The following CACNA2D1 variants were observed in gnomAD, a reference collection of about 807,000 sequenced individuals.
CACNA2D1 encodes calcium voltage-gated channel auxiliary subunit alpha2delta 1.
CACNA2D1 carries 53 observed loss-of-function variants against 171.5 expected under a neutral mutation model. The observed-to-expected ratio is 0.31, with a 90% CI of 0.25 to 0.39. The LOEUF (loss-of-function observed/expected upper bound fraction) is 0.39. CACNA2D1 is among the 10% of genes least tolerant of loss of function. The pLI is 1.00. For synonymous variants in CACNA2D1, 442 were observed against 443.1 expected (o/e 1.00, Z 0.03); for missense variants, 903 against 1,299.8 (o/e 0.69, Z 4.69).
intron 1 of CACNA2D1, among the ~76,000 whole-genome samples, chr7:82,374,252 A>G (rs548872282): frequency 6.6e-6 from 1 of 152,336 alleles, no homozygotes; most frequent in South Asian, 2.1e-4. Context: ...AAAGGGAGTC[A>G]TGCTTTCACC....
chr7:82,302,535 C>T (rs1314257825), intron 3 of CACNA2D1, among the ~76,000 whole-genome samples: 1 of 151,940 alleles, frequency 6.6e-6, no homozygotes, highest in African/African-American at 2.4e-5. Flanking sequence ...CTGCCTCAGC[C>T]TCCCCAGTAG....
At chr7:82,179,178 A>G (rs1796860115) in intron 3 of CACNA2D1, among the ~76,000 whole-genome samples, 1 of 152,052 alleles carries the variant, frequency 6.6e-6, no homozygotes, top group African/African-American at 2.4e-5. Flanking sequence ...GATACACCCT[A>G]ATCCATGTAA....
At chr7:82,391,839 C>T (rs1382472682) in intron 1 of CACNA2D1, among the ~76,000 whole-genome samples, 1 of 152,166 alleles carries the variant, frequency 6.6e-6, no homozygotes, top group Non-Finnish European at 1.5e-5. Flanking sequence ...GTTTATTGAA[C>T]CATTACTGTG....
rs140162333 is a variant in CACNA2D1, at chr7:82,095,321, T to C, written c.527-10421A>G. On this transcript the variant is annotated intron_variant, in intron 6 of 38. Transcript: ENST00000356860. ...GAGTATCAACTCCCTCCCCACTCCT[T>C]ATTTTTTTCTATATTCTTCTATTAA... 6.4e-3 allele frequency among the ~76,000 whole-genome samples: 973 copies of C among 152,268 alleles called. 13 individuals are homozygous for C. The highest frequency in any genetic ancestry group is 0.021 in the African/African-American group (875 of 41,538).
intron 3 of CACNA2D1, among the ~76,000 whole-genome samples, chr7:82,264,551 C>G (rs1358474049): frequency 6.6e-6 from 1 of 152,184 alleles, no homozygotes; most frequent in Admixed American, 6.5e-5. Context: ...TCTGACTAAT[C>G]TGCAAGCCAC....
At chr7:82,118,048 T>G (rs914292286) in intron 5 of CACNA2D1, among the ~76,000 whole-genome samples, 1 of 152,122 alleles carries the variant, frequency 6.6e-6, no homozygotes, top group Non-Finnish European at 1.5e-5. Flanking sequence ...AAAAAGAAAG[T>G]ATGCTAGGAA....
chr7:81,965,776 G>T, intron 31 of CACNA2D1, 111 bp from the exon 32 acceptor site: 1 of 733,140 alleles, frequency 1.4e-6, no homozygotes. Context: ...AATTTTAAAT[G>T]CCTATCTTCT....
At chr7:82,021,384 A>C in intron 12 of CACNA2D1, among the ~76,000 whole-genome samples, 1 of 152,140 alleles carries the variant, frequency 6.6e-6, no homozygotes, top group East Asian at 1.9e-4. Context: ...CCTACTTATA[A>C]GATGACATAT....
At chr7:82,418,712 T>C (rs1180723108) in intron 1 of CACNA2D1, among the ~76,000 whole-genome samples, 1 of 152,048 alleles carries the variant, frequency 6.6e-6, no homozygotes, top group Admixed American at 6.6e-5. Flanking sequence ...CATTATCCAT[T>C]TACAGAAAAA....
chr7:82,192,481 TGTGTGTGTGTGTG>T (rs1798420563), intron 3 of CACNA2D1, among the ~76,000 whole-genome samples: 1 of 112,118 alleles, frequency 8.9e-6, no homozygotes, highest in Non-Finnish European at 1.8e-5. Flanking sequence ...TGTGTGTGTG[TGTGTGTGTGTGTG>T]TGTGTGTGTG....
At chr7:82,372,006 A>G (rs1822473487) in intron 1 of CACNA2D1, among the ~76,000 whole-genome samples, 1 of 152,246 alleles carries the variant, frequency 6.6e-6, no homozygotes, top group Non-Finnish European at 1.5e-5. Context: ...GAAATGTTTA[A>G]CATGCAATTT....
chr7:82,366,586 A>G lies in CACNA2D1; in HGVS notation c.96-16937T>C, dbSNP rs535408365. Among the ~76,000 whole-genome samples the G allele has an allele frequency of 6.6e-5, 6 of 90,470 alleles. No homozygotes were observed. In the South Asian group the frequency reaches 2.5e-3, roughly 38 times the overall value. The allele number at this position is 90,470 out of a possible 152,430, so 59.4% of individuals were successfully genotyped here. A position where few individuals can be genotyped will look rare whatever the true frequency, so the allele number is the denominator to read the frequency against. On this transcript the variant is annotated intron_variant, in intron 1 of 38. Coordinates refer to ENST00000356860, the MANE Select transcript of CACNA2D1 (RefSeq NM_000722.4). ...CTTTTATATGGCTGTGAAGTATTTCATGGCAGGTATCACATTTCTCTATCC... is the reference window on the plus strand; with the variant it reads ...CTTTTATATGGCTGTGAAGTATTTCGTGGCAGGTATCACATTTCTCTATCC...
At chr7:82,163,947 G>A (rs1172136170) in intron 4 of CACNA2D1, among the ~76,000 whole-genome samples, 2 of 151,906 alleles carry the variant, frequency 1.3e-5, no homozygotes, top group Non-Finnish European at 1.5e-5. Flanking sequence ...TATGCTGCTG[G>A]AGATCACAGA....
At chr7:82,222,358 C>CATATTACAT (rs1801860785) in intron 3 of CACNA2D1, among the ~76,000 whole-genome samples, 1 of 152,174 alleles carries the variant, frequency 6.6e-6, no homozygotes, top group South Asian at 2.1e-4. Context: ...AGACTATAGC[C>CATATTACAT]ATATTACATA....
chr7:82,274,456 G>C (rs944931989), intron 3 of CACNA2D1, among the ~76,000 whole-genome samples: 1 of 152,046 alleles, frequency 6.6e-6, no homozygotes, highest in African/African-American at 2.4e-5. Context: ...TTCATGAAAC[G>C]TTTTCTTAAT....
chr7:82,408,431 C>T (rs967750082), intron 1 of CACNA2D1, among the ~76,000 whole-genome samples: 4 of 152,038 alleles, frequency 2.6e-5, no homozygotes, highest in African/African-American at 7.2e-5. Context: ...GGACAGTACA[C>T]GAAACCTGAC....
chr7:82,290,995 A>G (rs1811468436), intron 3 of CACNA2D1, among the ~76,000 whole-genome samples: 1 of 136,462 alleles, frequency 7.3e-6, no homozygotes, highest in African/African-American at 3.0e-5. Context: ...TTTTCCTTTG[A>G]GACAGGGTCT....
At chr7:82,012,705 AATACTGTGCCAAATCTAGAC>A (rs1256702826) in intron 14 of CACNA2D1, among the ~76,000 whole-genome samples, 2 of 152,094 alleles carry the variant, frequency 1.3e-5, no homozygotes, top group East Asian at 3.9e-4. Flanking sequence ...AAATAAAGGA[AATACTGTGCCAAATCTAGAC>A]ATCAGACTCA....
rs57473351 is a variant in CACNA2D1 at position 82,297,072 on chromosome 7, C to CAAAAAAAAAAAAAAAAAAAAAAAAAA, written c.294+38062_294+38063insTTTTTTTTTTTTTTTTTTTTTTTTTT. Among the ~76,000 whole-genome samples, 118 of 72,206 alleles carry CAAAAAAAAAAAAAAAAAAAAAAAAAA rather than the reference C, an allele frequency of 1.6e-3. 2 individuals carry two copies. The highest frequency in any genetic ancestry group is 2.4e-3 in the Non-Finnish European group (96 of 40,420). 47.4% of individuals were successfully genotyped at this position (72,206 alleles called of 152,430 possible). The stretch of plus-strand genomic sequence containing the variant: ...AAACATAGTGAGGCTCTGTGTCTAC[C>CAAAAAAAAAAAAAAAAAAAAAAAAAA]AAAAAAAAAAAAAAAAAAAAAAAAA... On this transcript the variant is annotated intron_variant, in intron 3 of 38. Coordinates refer to ENST00000356860, the MANE Select transcript of CACNA2D1 (RefSeq NM_000722.4).
Sources: gnomAD v4.1 joint callset for allele counts (sites outside exome capture counted in the v4.1 genomes callset) on GRCh38, gnomAD v4.1.1 for gene constraint, MANE v1.5 for transcripts, NCBI Gene and HGNC (gene_info 2026-07-23, HGNC 2026-07-21) for gene names.